Variants in ZNF804B observed in about 807,000 individuals in gnomAD.
ZNF804B encodes zinc finger 804B.
A neutral mutation model predicts 101.4 loss-of-function variants in ZNF804B; 80 were observed. The observed-to-expected ratio is 0.79, with a 90% CI of 0.66 to 0.95. The LOEUF (loss-of-function observed/expected upper bound fraction) is 0.95, where lower values mean the gene tolerates loss of function less well. Ranked by LOEUF, ZNF804B falls within the 40% of genes least tolerant of loss-of-function variation. The pLI is 0.00. For missense variants in ZNF804B, 1,673 were observed against 1,561.9 expected, an observed-to-expected ratio of 1.07 and a Z score of -1.20; for synonymous variants, 622 against 558.8, an observed-to-expected ratio of 1.11 and a Z score of -1.59.
chr7:88,929,396 T>C (rs2116015802), intron 1 of ZNF804B, among the ~76,000 whole-genome samples: 1 of 152,116 alleles, frequency 6.6e-6, no homozygotes, highest in Middle Eastern at 3.4e-3. Flanking sequence ...CTTACACACT[T>C]ACCAGTACAA....
intron 1 of ZNF804B, among the ~76,000 whole-genome samples, chr7:89,134,657 A>G (rs1403110874): frequency 1.3e-5 from 2 of 152,070 alleles, no homozygotes; most frequent in Non-Finnish European, 2.9e-5. Flanking sequence ...GAATAGATTC[A>G]GGAATTACTT....
At chr7:89,099,623 A>T (rs371405154) in intron 1 of ZNF804B, among the ~76,000 whole-genome samples, 3 of 152,168 alleles carry the variant, frequency 2.0e-5, no homozygotes, top group East Asian at 3.9e-4. Flanking sequence ...GGTGATCAAG[A>T]GTTCAAAAGT....
chr7:89,178,045 T>C (rs762540212), intron 1 of ZNF804B, among the ~76,000 whole-genome samples: 1 of 152,200 alleles, frequency 6.6e-6, no homozygotes, highest in Non-Finnish European at 1.5e-5. Flanking sequence ...GTCTCCTTTT[T>C]TGTTTGTTGT....
At chr7:89,026,913 G>T (rs578090555) in intron 1 of ZNF804B, among the ~76,000 whole-genome samples, 7 of 152,214 alleles carry the variant, frequency 4.6e-5, no homozygotes, top group South Asian at 4.1e-4. Flanking sequence ...TTCATATTCA[G>T]AAATCTTTAG....
At chr7:88,891,060 G>T (rs890566361) in intron 1 of ZNF804B, among the ~76,000 whole-genome samples, 3 of 151,976 alleles carry the variant, frequency 2.0e-5, no homozygotes, top group Admixed American at 6.6e-5. Flanking sequence ...TGTTTGTGTT[G>T]TTTACTGATA....
chr7:88,838,385 T>C (rs1791247017), intron 1 of ZNF804B, among the ~76,000 whole-genome samples: 1 of 151,958 alleles, frequency 6.6e-6, no homozygotes, highest in Admixed American at 6.6e-5. Flanking sequence ...TTTATATTAT[T>C]CTGCTAAGTG....
intron 1 of ZNF804B, among the ~76,000 whole-genome samples, chr7:89,138,843 A>G (rs543832025): frequency 1.4e-4 from 21 of 152,222 alleles, no homozygotes; most frequent in Non-Finnish European, 1.9e-4. Flanking sequence ...CATGTGAGAC[A>G]TGACTTACTC....
At chr7:89,233,022 C>T (rs376958074) in intron 2 of ZNF804B, among the ~76,000 whole-genome samples, 3 of 152,064 alleles carry the variant, frequency 2.0e-5, no homozygotes, top group South Asian at 2.1e-4. Context: ...CCCGGGTTCA[C>T]GCCATTTTCC....
intron 1 of ZNF804B, among the ~76,000 whole-genome samples, chr7:88,991,097 G>A (rs577934974): frequency 5.3e-4 from 80 of 152,168 alleles, no homozygotes; most frequent in African/African-American, 1.7e-3. Context: ...TAAAAACACT[G>A]GGGTTGAAAA....
At chr7:88,761,764 T>A (rs1455805297) in intron 1 of ZNF804B, among the ~76,000 whole-genome samples, 1 of 152,218 alleles carries the variant, frequency 6.6e-6, no homozygotes, top group Non-Finnish European at 1.5e-5. Flanking sequence ...AAAGGGAGAA[T>A]TGCTTCATAA....
intron 1 of ZNF804B, among the ~76,000 whole-genome samples, chr7:88,810,164 A>G (rs926194024): frequency 2.6e-5 from 4 of 152,058 alleles, no homozygotes; most frequent in African/African-American, 9.7e-5. Flanking sequence ...TTTAGTTAAC[A>G]GGTATCCCTG....
At chr7:89,165,167 A>C (rs763833334) in intron 1 of ZNF804B, among the ~76,000 whole-genome samples, 1 of 152,136 alleles carries the variant, frequency 6.6e-6, no homozygotes, top group Non-Finnish European at 1.5e-5. Flanking sequence ...CTAAAAAAAG[A>C]AATCAATTTG....
intron 1 of ZNF804B, among the ~76,000 whole-genome samples, chr7:88,802,657 A>G (rs934959989): frequency 1.3e-5 from 2 of 151,950 alleles, no homozygotes; most frequent in African/African-American, 4.8e-5. Flanking sequence ...ATTTTTCGTA[A>G]TTTTTTTAAA....
intron 1 of ZNF804B, among the ~76,000 whole-genome samples, chr7:88,853,256 C>G (rs1344865815): frequency 2.0e-5 from 3 of 152,036 alleles, no homozygotes; most frequent in Non-Finnish European, 4.4e-5. Flanking sequence ...TAAGTAGTGG[C>G]CCTCACGCAC....
intron 1 of ZNF804B, among the ~76,000 whole-genome samples, chr7:88,965,425 T>G (rs1172367190): frequency 6.6e-6 from 1 of 151,382 alleles, no homozygotes; most frequent in Non-Finnish European, 1.5e-5. Flanking sequence ...CTAGGAGCTA[T>G]TTTTTTGCTG....
chr7:89,241,474 A>G lies in ZNF804B; in HGVS notation c.249+23179A>G, dbSNP rs185765901. 5.5e-4 allele frequency among the ~76,000 whole-genome samples: 84 copies of G among 152,244 alleles called. 1 individual carries two copies. The highest frequency in any genetic ancestry group is 5.0e-3 in the Admixed American group (76 of 15,278). ...CTGTCTCACTAATTTCCTTGAAGCTATAGCTCTCTGATTTATGAAGTAGTG... is the reference window on the plus strand; with the variant it reads ...CTGTCTCACTAATTTCCTTGAAGCTGTAGCTCTCTGATTTATGAAGTAGTG... On this transcript the variant is annotated intron_variant, in intron 2 of 3. Coordinates refer to ENST00000333190, the MANE Select transcript of ZNF804B (RefSeq NM_181646.5).
chr7:89,333,241 T>C, intron 3 of ZNF804B, 122 bp from the exon 4 acceptor site: 1 of 975,208 alleles, frequency 1.0e-6, no homozygotes, highest in South Asian at 2.1e-5. Flanking sequence ...AAGGTTATGT[T>C]TTAGAAGATG....
At chr7:89,295,752 TAAGTACCCATCAACTAATGGGTAGATA>T (rs1194798048) in intron 2 of ZNF804B, among the ~76,000 whole-genome samples, 1 of 152,124 alleles carries the variant, frequency 6.6e-6, no homozygotes, top group Non-Finnish European at 1.5e-5. Context: ...GAAGTCAATC[TAAGTACCCATCAACTAATGGGTAGATA>T]AAGAAAATGT....
chr7:89,016,816 G>T (rs765914379), intron 1 of ZNF804B, among the ~76,000 whole-genome samples: 5 of 152,186 alleles, frequency 3.3e-5, no homozygotes, highest in Non-Finnish European at 5.9e-5. Flanking sequence ...ACTTGGCGAT[G>T]CGGGCTCCTT....
Sources: allele counts gnomAD v4.1 joint callset (sites outside exome capture counted in the v4.1 genomes callset), GRCh38; gene constraint gnomAD v4.1.1; transcripts MANE v1.5; gene names NCBI Gene and HGNC (gene_info 2026-07-23, HGNC 2026-07-21).